CCDC149: variants seen among roughly 807,000 people sequenced by gnomAD.
CCDC149 encodes the protein coiled-coil domain-containing protein 149.
CCDC149 carries 45 observed loss-of-function variants against 59.9 expected under a neutral mutation model. The observed-to-expected ratio is 0.75, with a 90% CI of 0.59 to 0.96. The LOEUF is 0.96. Among genes scored for constraint, CCDC149 ranks in the 40% least tolerant of loss-of-function variants. The probability of loss-of-function intolerance (pLI) is 0.00; values close to 1 mark genes in which losing one functional copy is unlikely to be tolerated. For missense variants in CCDC149, 584 were observed against 664.7 expected (o/e 0.88, Z 1.33); for synonymous variants, 245 against 260.6 (o/e 0.94, Z 0.58).
intron 3 of CCDC149, among the ~76,000 whole-genome samples, chr4:24,866,804 A>AAAT (rs1553853368): frequency 5.6e-5 from 6 of 107,172 alleles, no homozygotes; most frequent in Non-Finnish European, 9.3e-5. Context: ...AAAAAAAAAA[A>AAAT]ATATACACAC....
chr4:24,967,024 A>T (rs1330704234), intron 1 of CCDC149, among the ~76,000 whole-genome samples: 2 of 152,168 alleles, frequency 1.3e-5, no homozygotes, highest in Non-Finnish European at 2.9e-5. Flanking sequence ...ACAGTTATGG[A>T]GGACGGTCAG....
At chr4:24,884,371 G>A (rs1000329310) in intron 1 of CCDC149, among the ~76,000 whole-genome samples, 10 of 152,088 alleles carry the variant, frequency 6.6e-5, no homozygotes, top group East Asian at 3.8e-4. Context: ...GGGATGCAGC[G>A]GACTATACCA....
intron 1 of CCDC149, among the ~76,000 whole-genome samples, chr4:24,933,220 G>C (rs938262047): frequency 6.6e-6 from 1 of 152,154 alleles, no homozygotes. Flanking sequence ...TTAAATGGGA[G>C]GGGCTGGGTG....
chr4:24,882,016 G>A (rs1422983766), intron 1 of CCDC149, among the ~76,000 whole-genome samples: 3 of 152,128 alleles, frequency 2.0e-5, no homozygotes, highest in Non-Finnish European at 2.9e-5. Context: ...AATATTCATG[G>A]AGTTGGTTAC....
chr4:24,817,457 A>G (rs913116306), intron 12 of CCDC149, among the ~76,000 whole-genome samples: 2 of 151,964 alleles, frequency 1.3e-5, no homozygotes, highest in Admixed American at 6.6e-5. Flanking sequence ...CAAATCCCAG[A>G]TATGTCCTGG....
At chr4:24,945,185 G>A (rs1723072656) in intron 1 of CCDC149, among the ~76,000 whole-genome samples, 5 of 152,144 alleles carry the variant, frequency 3.3e-5, no homozygotes, top group Admixed American at 2.6e-4. Flanking sequence ...GGTGTACTGA[G>A]TTGAATAGCA....
chr4:24,904,446 A>T (rs924851656), intron 1 of CCDC149, among the ~76,000 whole-genome samples: 1 of 152,262 alleles, frequency 6.6e-6, no homozygotes, highest in Non-Finnish European at 1.5e-5. Context: ...TGCTAAAATA[A>T]TTTTTTAAAA....
intron 3 of CCDC149, among the ~76,000 whole-genome samples, chr4:24,867,250 T>C (rs1417359591): frequency 6.6e-6 from 1 of 152,218 alleles, no homozygotes; most frequent in African/African-American, 2.4e-5. Flanking sequence ...CACATCTCAA[T>C]ATCATGTCCA....
rs1023531986 is a variant in CCDC149 at position 24,903,678 on chromosome 4, C to T, written c.63+9139G>A. ...ACAGTCATGTAACCATCATCACAAT[C>T]GAGACATAGAATACATCCATAAATC... On this transcript the variant is annotated intron_variant, in intron 1 of 12. Coordinates refer to ENST00000635206, the MANE Select transcript of CCDC149 (RefSeq NM_001330643.2). 2.0e-5 allele frequency among the ~76,000 whole-genome samples: 3 copies of T among 152,130 alleles called. 1 individual carries two copies. Among genetic ancestry groups the T allele is most frequent in the South Asian group, 4.1e-4 (2 of 4,830 alleles).
At chr4:24,845,853 C>A (rs1196696962) in intron 4 of CCDC149, among the ~76,000 whole-genome samples, 1 of 152,232 alleles carries the variant, frequency 6.6e-6, no homozygotes, top group Non-Finnish European at 1.5e-5. Context: ...CCCTGAATCA[C>A]TGTCAGATAG....
intron 1 of CCDC149, among the ~76,000 whole-genome samples, chr4:24,939,701 G>A (rs1016973864): frequency 4.6e-5 from 7 of 152,172 alleles, no homozygotes; most frequent in African/African-American, 1.7e-4. Context: ...AGTCCTTAAA[G>A]GACCTGATGG....
At chr4:24,966,611 T>C (rs1230169245) in intron 1 of CCDC149, among the ~76,000 whole-genome samples, 1 of 152,182 alleles carries the variant, frequency 6.6e-6, no homozygotes, top group Non-Finnish European at 1.5e-5. Context: ...CAGATGTGGA[T>C]AGATTTGATT....
intron 1 of CCDC149, among the ~76,000 whole-genome samples, chr4:24,932,778 A>G (rs1449923724): frequency 4.6e-5 from 7 of 152,198 alleles, no homozygotes; most frequent in Non-Finnish European, 7.3e-5. Context: ...CAGGGAAAAC[A>G]TTAGTCAGAG....
At position 24,834,920 on chromosome 4, in the gene CCDC149, C is replaced by A. The variant is rs77263075; in HGVS notation, c.820+28G>T. 6 of 1,536,620 alleles carry A rather than the reference C, an allele frequency of 3.9e-6. No homozygotes were observed. The African/African-American group carries it at 8.2e-5, about 21-fold the overall frequency. ...AGCTCTAGTATTTTACGCTCATGAG[C>A]GGTCTCTCCTGGAGCATGATATCCT... On this transcript the variant is annotated intron_variant, in intron 8 of 12. Transcript: ENST00000635206.
intron 1 of CCDC149, among the ~76,000 whole-genome samples, chr4:24,940,196 C>T (rs1722913331): frequency 6.6e-6 from 1 of 152,228 alleles, no homozygotes; most frequent in African/African-American, 2.4e-5. Context: ...CAGCTGATCT[C>T]TTGGCAGAAA....
At chr4:24,956,254 A>T (rs946348708) in intron 1 of CCDC149, among the ~76,000 whole-genome samples, 2 of 151,772 alleles carry the variant, frequency 1.3e-5, no homozygotes, top group Non-Finnish European at 2.9e-5. Context: ...CATAACAAGG[A>T]TTTCTCTGAA....
At chr4:24,929,014 C>T (rs1158659212) in intron 1 of CCDC149, among the ~76,000 whole-genome samples, 1 of 152,198 alleles carries the variant, frequency 6.6e-6, no homozygotes, top group African/African-American at 2.4e-5. Context: ...CTAATTTAAA[C>T]AAAGAATCAG....
At chr4:24,889,892 T>C (rs1329648607) in intron 1 of CCDC149, among the ~76,000 whole-genome samples, 1 of 152,210 alleles carries the variant, frequency 6.6e-6, no homozygotes, top group African/African-American at 2.4e-5. Context: ...CTTTGCATAT[T>C]ATCAGCTCTT....
At chr4:24,813,526 AT>A (rs1313199497) in intron 12 of CCDC149, among the ~76,000 whole-genome samples, 1,321 of 110,580 alleles carry the variant, frequency 0.012, 18 homozygotes, top group Middle Eastern at 0.038. Context: ...ATATATATAT[AT>A]AAAACCTAAA....
Sources: allele counts gnomAD v4.1 joint callset (sites outside exome capture counted in the v4.1 genomes callset), GRCh38; gene constraint gnomAD v4.1.1; transcripts MANE v1.5; gene names NCBI Gene and HGNC (gene_info 2026-07-23, HGNC 2026-07-21).